DIAPH2: variants seen among roughly 807,000 people sequenced by gnomAD.
DIAPH2 encodes the protein diaphanous related formin 2, also known as protein diaphanous homolog 2.
A neutral mutation model predicts 92.7 loss-of-function variants in DIAPH2; 35 were observed. The ratio of observed to expected loss-of-function variants is 0.38; its 90% CI spans 0.29 to 0.50. The LOEUF (loss-of-function observed/expected upper bound fraction) is 0.50. Ranked by LOEUF, DIAPH2 falls within the 20% of genes least tolerant of loss-of-function variation. DIAPH2 has a pLI of 0.94. For missense variants in DIAPH2, 701 were observed against 819.5 expected, an observed-to-expected ratio of 0.86 and a Z score of 1.77; for synonymous variants, 301 against 280.4, an observed-to-expected ratio of 1.07 and a Z score of -0.73.
intron 20 of DIAPH2, 108 bp downstream of exon 20, chrX:97,099,903 T>C (rs2066895164): frequency 2.9e-6 from 1 of 347,996 alleles, no homozygotes; most frequent in African/African-American, 2.7e-5. Context: ...CATTACTGTA[T>C]TGCTACATAA....
At chrX:96,827,376 G>A (rs1228084221) in intron 4 of DIAPH2, among the ~76,000 whole-genome samples, 6 of 112,172 alleles carry the variant, frequency 5.3e-5, no homozygotes, top group African/African-American at 1.9e-4. Flanking sequence ...GATTCTCTGA[G>A]TAGCAAATTG....
At chrX:97,054,280 T>C in intron 17 of DIAPH2, among the ~76,000 whole-genome samples, 1 of 112,196 alleles carries the variant, frequency 8.9e-6, no homozygotes, top group Non-Finnish European at 1.9e-5. Context: ...ATATAGTTCT[T>C]TCACTGAATT....
chrX:96,861,543 A>G (rs1012089138), intron 4 of DIAPH2, among the ~76,000 whole-genome samples: 1 of 111,690 alleles, frequency 9.0e-6, no homozygotes, highest in Admixed American at 9.5e-5. Context: ...CTTGATTACA[A>G]TAGCAGTCTC....
Position 97,047,542 on chromosome X carries a change from C to CTTTTTTTTTTTTTTTTTTTTTT in DIAPH2, c.2051-25393_2051-25372dup, listed in dbSNP as rs5903064. Among the ~76,000 whole-genome samples, 3 of 30,109 alleles carry CTTTTTTTTTTTTTTTTTTTTTT rather than the reference C, an allele frequency of 1.0e-4. 1 individual carries two copies. Among genetic ancestry groups the CTTTTTTTTTTTTTTTTTTTTTT allele is most frequent in the African/African-American group, 4.7e-4 (3 of 6,383 alleles). The allele number at this position is 30,109 out of a possible 115,157, so 26.1% of individuals were successfully genotyped here. A position where few individuals can be genotyped will look rare whatever the true frequency, so the allele number is the denominator to read the frequency against. On this transcript the variant is annotated intron_variant, in intron 17 of 26. Coordinates refer to ENST00000324765, the MANE Select transcript of DIAPH2 (RefSeq NM_006729.5). ...AAAACAGCTTAAGGGATAAAATAGG[C>CTTTTTTTTTTTTTTTTTTTTTT]TTTTTTTTTTTTTTTTTTTTTTTTT...
chrX:97,024,779 ATGTCTTTCC>A (rs1360422952), intron 17 of DIAPH2, among the ~76,000 whole-genome samples: 1 of 111,916 alleles, frequency 8.9e-6, no homozygotes, highest in African/African-American at 3.2e-5. Context: ...AAAATAACTG[ATGTCTTTCC>A]TAAGTTGAGA....
chrX:97,070,736 G>A (rs2066664099), intron 17 of DIAPH2, among the ~76,000 whole-genome samples: 1 of 111,294 alleles, frequency 9.0e-6, no homozygotes, highest in Non-Finnish European at 1.9e-5. Context: ...ATCACTTTTC[G>A]AACCCAGGAT....
At chrX:97,449,087 T>C (rs2070336946) in intron 26 of DIAPH2, among the ~76,000 whole-genome samples, 1 of 112,080 alleles carries the variant, frequency 8.9e-6, no homozygotes, top group East Asian at 2.8e-4. Context: ...TGTTAATTTT[T>C]TACTTTGGGA....
chrX:97,192,110 T>C (rs1416713527), intron 22 of DIAPH2, among the ~76,000 whole-genome samples: 1 of 109,642 alleles, frequency 9.1e-6, no homozygotes, highest in Admixed American at 9.7e-5. Flanking sequence ...GCCAACATAG[T>C]GAAACCCCTT....
intron 22 of DIAPH2, among the ~76,000 whole-genome samples, chrX:97,148,369 T>C (rs183823912): frequency 8.9e-6 from 1 of 112,361 alleles, no homozygotes; most frequent in East Asian, 2.8e-4. Flanking sequence ...TCTCTGTAGT[T>C]GTCCATAATC....
chrX:96,934,834 A>G (rs1418620113), intron 10 of DIAPH2, among the ~76,000 whole-genome samples: 1 of 111,728 alleles, frequency 9.0e-6, no homozygotes, highest in Non-Finnish European at 1.9e-5. Flanking sequence ...AGTTAAATAA[A>G]TTAAGAAAAT....
At chrX:97,099,054 G>A (rs12353562) in intron 19 of DIAPH2, among the ~76,000 whole-genome samples, 14,259 of 111,489 alleles carry the variant, frequency 0.13, 1,416 homozygotes, top group African/African-American at 0.34. Context: ...AATTATGAAT[G>A]GTAGAGTTGA....
At chrX:97,524,258 G>A (rs1220978938) in intron 26 of DIAPH2, among the ~76,000 whole-genome samples, 1 of 112,040 alleles carries the variant, frequency 8.9e-6, no homozygotes, top group Non-Finnish European at 1.9e-5. Flanking sequence ...AATATTTGTT[G>A]TATTAGTGAT....
chrX:96,766,041 A>G (rs1402661441), intron 4 of DIAPH2, among the ~76,000 whole-genome samples: 1 of 110,448 alleles, frequency 9.1e-6, no homozygotes, highest in African/African-American at 3.3e-5. Context: ...CTATTGTTAT[A>G]TTTAACATAT....
At chrX:97,007,686 A>G (rs2066192176) in intron 17 of DIAPH2, among the ~76,000 whole-genome samples, 1 of 104,431 alleles carries the variant, frequency 9.6e-6, no homozygotes, top group African/African-American at 3.5e-5. Context: ...TTTCTTGTAT[A>G]TTGGTATCTT....
At chrX:96,770,832 TA>T (rs2064334027) in intron 4 of DIAPH2, among the ~76,000 whole-genome samples, 2 of 112,269 alleles carry the variant, frequency 1.8e-5, no homozygotes, top group Non-Finnish European at 3.8e-5. Flanking sequence ...GCACAAACAC[TA>T]TTAAAGTACC....
intron 22 of DIAPH2, among the ~76,000 whole-genome samples, chrX:97,174,389 T>C (rs1224194052): frequency 3.6e-5 from 4 of 111,458 alleles, no homozygotes; most frequent in African/African-American, 6.5e-5. Context: ...TTAGAAATTA[T>C]ACTTGGGTTT....
intron 17 of DIAPH2, among the ~76,000 whole-genome samples, chrX:97,040,317 C>A (rs766018635): frequency 9.1e-6 from 1 of 110,184 alleles, no homozygotes; most frequent in East Asian, 2.9e-4. Flanking sequence ...GCCATCATTT[C>A]TCAGCTTGGG....
chrX:97,217,392 G>C (rs2067891625), intron 22 of DIAPH2, among the ~76,000 whole-genome samples: 1 of 111,422 alleles, frequency 9.0e-6, no homozygotes, highest in African/African-American at 3.3e-5. Flanking sequence ...AGGAAAAACT[G>C]TGCCTCTGTT....
intron 4 of DIAPH2, among the ~76,000 whole-genome samples, chrX:96,868,124 C>G (rs1250686954): frequency 1.8e-5 from 2 of 111,965 alleles, no homozygotes; most frequent in Admixed American, 1.9e-4. Flanking sequence ...GTTCTCTGAT[C>G]TATGGTTAAA....
Sources: allele counts gnomAD v4.1 joint callset (sites outside exome capture counted in the v4.1 genomes callset), GRCh38; gene constraint gnomAD v4.1.1; transcripts MANE v1.5; gene names NCBI Gene and HGNC (gene_info 2026-07-23, HGNC 2026-07-21).